Variants in DAB1 observed in about 807,000 individuals in gnomAD.
DAB1 encodes DAB adaptor protein 1.
Under a neutral mutation model 64.6 loss-of-function variants are expected in DAB1, and 15 were observed. The ratio of observed to expected loss-of-function variants is 0.23; its 90% CI spans 0.16 to 0.36. DAB1 has a LOEUF of 0.36. Ranked by LOEUF, DAB1 falls within the 10% of genes least tolerant of loss-of-function variation. DAB1 has a pLI of 1.00. For missense variants in DAB1, 596 were observed against 706.7 expected, an observed-to-expected ratio of 0.84 and a Z score of 1.78; for synonymous variants, 235 against 251.9, an observed-to-expected ratio of 0.93 and a Z score of 0.64.
intron 6 of DAB1, among the ~76,000 whole-genome samples, chr1:57,789,985 G>T (rs923785097): frequency 2.6e-5 from 4 of 152,088 alleles, no homozygotes; most frequent in Non-Finnish European, 5.9e-5. Context: ...ACCTTCCCCG[G>T]TCAGCATTTG....
At chr1:58,493,077 T>G (rs889403932) in intron 3 of DAB1, among the ~76,000 whole-genome samples, 5 of 152,148 alleles carry the variant, frequency 3.3e-5, no homozygotes, top group African/African-American at 1.2e-4. Context: ...CATGATCAAG[T>G]GGGCTTCATC....
intron 5 of DAB1, among the ~76,000 whole-genome samples, chr1:58,079,523 T>A (rs1296148553): frequency 3.7e-5 from 5 of 135,562 alleles, no homozygotes; most frequent in Admixed American, 1.5e-4. Context: ...ATCTTTTTTT[T>A]TTTTTTTTTT....
chr1:57,451,170 A>T (rs1326400942), intron 7 of DAB1, among the ~76,000 whole-genome samples: 2 of 152,070 alleles, frequency 1.3e-5, no homozygotes, highest in African/African-American at 2.4e-5. Context: ...CAGCTTTGAC[A>T]CACCCCTGCA....
intron 6 of DAB1, among the ~76,000 whole-genome samples, chr1:57,804,065 T>C (rs1335640813): frequency 6.6e-6 from 1 of 152,192 alleles, no homozygotes; most frequent in Non-Finnish European, 1.5e-5. Context: ...TTCCGGTTAC[T>C]GGCATCGTGA....
intron 6 of DAB1, among the ~76,000 whole-genome samples, chr1:57,722,811 G>T (rs1647167222): frequency 6.6e-6 from 1 of 152,158 alleles, no homozygotes; most frequent in African/African-American, 2.4e-5. Context: ...AAAATGATGG[G>T]TTTGAGGCTA....
intron 4 of DAB1, among the ~76,000 whole-genome samples, chr1:57,097,763 A>AT (rs953624016): frequency 6.7e-6 from 1 of 149,306 alleles, no homozygotes; most frequent in Non-Finnish European, 1.5e-5. Flanking sequence ...TATTTTTATT[A>AT]TTATTTATTT....
chr1:58,188,179 G>T (rs1380869510), intron 4 of DAB1, among the ~76,000 whole-genome samples: 1 of 152,156 alleles, frequency 6.6e-6, no homozygotes, highest in African/African-American at 2.4e-5. Context: ...AAAGTGCTGG[G>T]ATTACAGGCA....
At chr1:57,368,580 C>T (rs915313267) in intron 1 of DAB1, among the ~76,000 whole-genome samples, 5 of 152,048 alleles carry the variant, frequency 3.3e-5, no homozygotes, top group Admixed American at 1.3e-4. Flanking sequence ...GATGATGGGA[C>T]GACCTGCCTG....
At chr1:57,670,350 A>G (rs1273092387) in intron 6 of DAB1, among the ~76,000 whole-genome samples, 2 of 152,118 alleles carry the variant, frequency 1.3e-5, no homozygotes, top group Non-Finnish European at 2.9e-5. Flanking sequence ...AGAAGCCCCA[A>G]TCACTGCAAA....
intron 4 of DAB1, among the ~76,000 whole-genome samples, chr1:58,214,058 C>T (rs1201300152): frequency 2.0e-5 from 3 of 152,172 alleles, no homozygotes; most frequent in Non-Finnish European, 4.4e-5. Context: ...ATTTCAATAT[C>T]TCAACATAGT....
intron 6 of DAB1, among the ~76,000 whole-genome samples, chr1:57,798,272 G>T (rs1166401004): frequency 6.6e-6 from 1 of 152,210 alleles, no homozygotes; most frequent in Non-Finnish European, 1.5e-5. Context: ...GAGCTGCGGT[G>T]ACTTGCTCAA....
chr1:57,287,778 T>TTTTATTTA (rs10647426), intron 2 of DAB1, among the ~76,000 whole-genome samples: 11,169 of 144,034 alleles, frequency 0.078, 569 homozygotes, highest in Middle Eastern at 0.12. Flanking sequence ...TTTCTCTCTC[T>TTTTATTTA]TTTATTTATT....
chr1:57,848,701 AC>A (rs1362259964), intron 1 of DAB1, among the ~76,000 whole-genome samples: 1 of 152,188 alleles, frequency 6.6e-6, no homozygotes, highest in East Asian at 1.9e-4. Context: ...GAGCAAAATA[AC>A]CTAAGGTTGA....
chr1:58,184,981 T>G (rs1301395149), intron 4 of DAB1, among the ~76,000 whole-genome samples: 1 of 152,148 alleles, frequency 6.6e-6, no homozygotes, highest in Non-Finnish European at 1.5e-5. Context: ...AAGAGCAGAC[T>G]GCACTCAAAT....
intron 5 of DAB1, among the ~76,000 whole-genome samples, chr1:58,108,670 G>T (rs899389151): frequency 6.6e-6 from 1 of 152,100 alleles, no homozygotes; most frequent in Non-Finnish European, 1.5e-5. Context: ...ACTGCTATGA[G>T]CTCCAAAGCA....
intron 3 of DAB1, among the ~76,000 whole-genome samples, chr1:58,502,127 A>G (rs547210637): frequency 6.6e-6 from 1 of 152,354 alleles, no homozygotes; most frequent in South Asian, 2.1e-4. Context: ...ACAGTAAGAA[A>G]CAATACATTT....
rs1570636457 is a variant in DAB1, at chr1:57,071,439, G to A, written c.558+83C>T. The A allele has an allele frequency of 4.1e-6, 6 of 1,478,556 alleles. 2 individuals are homozygous for A. The Admixed American group carries it at 1.4e-4, about 34-fold the overall frequency. 91.6% of individuals were successfully genotyped at this position (1,478,556 alleles called of 1,614,324 possible). ...TTCGTTTATTTCTACTTGGCAGCAG[G>A]AAGAGAAGGCCTGACTGTCAGTTTT... is the stretch of plus-strand genomic sequence containing the variant. On this transcript the variant is annotated intron_variant, in intron 6 of 14. Coordinates refer to ENST00000371236, the MANE Select transcript of DAB1 (RefSeq NM_001365792.1).
At chr1:57,264,634 C>T (rs1313925744) in intron 2 of DAB1, among the ~76,000 whole-genome samples, 1 of 152,098 alleles carries the variant, frequency 6.6e-6, no homozygotes, top group Non-Finnish European at 1.5e-5. Context: ...AAGGTTGAAC[C>T]CCTAGAGAAT....
intron 7 of DAB1, among the ~76,000 whole-genome samples, chr1:57,541,847 C>T (rs1330874265): frequency 5.9e-5 from 9 of 152,188 alleles, no homozygotes; most frequent in African/African-American, 2.2e-4. Context: ...TTGTTAGATA[C>T]TGCTATTTTC....
Sources: allele counts gnomAD v4.1 joint callset (sites outside exome capture counted in the v4.1 genomes callset), GRCh38; gene constraint gnomAD v4.1.1; transcripts MANE v1.5; gene names NCBI Gene and HGNC (gene_info 2026-07-23, HGNC 2026-07-21).